PDZD2: variants seen among roughly 807,000 people sequenced by gnomAD.
The protein encoded by PDZD2 is PDZ domain-containing protein 2.
PDZD2 carries 90 observed loss-of-function variants against 220.7 expected under a neutral mutation model. The ratio of observed to expected loss-of-function variants is 0.41; its 90% confidence interval spans 0.34 to 0.49. The LOEUF (loss-of-function observed/expected upper bound fraction) is 0.49. PDZD2 is among the 20% of genes least tolerant of loss of function. The pLI is 0.28. For missense variants in PDZD2, 3,174 were observed against 3,608.5 expected, an observed-to-expected ratio of 0.88 and a Z score of 3.08; for synonymous variants, 1,375 against 1,450.5, an observed-to-expected ratio of 0.95 and a Z score of 1.18.
At chr5:32,042,658 G>A (rs1203074346) in intron 7 of PDZD2, among the ~76,000 whole-genome samples, 1 of 152,224 alleles carries the variant, frequency 6.6e-6, no homozygotes, top group Non-Finnish European at 1.5e-5. Context: ...TGTTACGCTT[G>A]AACGAGTTAC....
At chr5:32,031,289 T>C (rs1429087464) in intron 6 of PDZD2, among the ~76,000 whole-genome samples, 2 of 152,232 alleles carry the variant, frequency 1.3e-5, no homozygotes, top group African/African-American at 4.8e-5. Flanking sequence ...CTCTGGAGTC[T>C]GTTGTCTAAG....
At chr5:31,859,842 C>G (rs1379516462) in intron 2 of PDZD2, among the ~76,000 whole-genome samples, 1 of 152,192 alleles carries the variant, frequency 6.6e-6, no homozygotes, top group African/African-American at 2.4e-5. Context: ...CTGGCACACA[C>G]TAACCTTTCC....
chr5:31,880,638 G>T (rs1739779188), intron 2 of PDZD2, among the ~76,000 whole-genome samples: 1 of 152,016 alleles, frequency 6.6e-6, no homozygotes, highest in African/African-American at 2.4e-5. Flanking sequence ...AATAGTTATT[G>T]TTCCCTGGAG....
chr5:31,816,287 C>CAAAAAAAAAAAAAAA lies in PDZD2; in HGVS notation c.476+16564_476+16578dup, dbSNP rs34233316. On this transcript the variant is annotated intron_variant, in intron 2 of 24. Transcript: ENST00000438447. ...TGGGCGACAGAGCGAGACTCCATCT[C>CAAAAAAAAAAAAAAA]AAAAAAAAAAAAAAAGATGACTGGG... Among the ~76,000 whole-genome samples, 50 of 99,110 alleles carry CAAAAAAAAAAAAAAA rather than the reference C, an allele frequency of 5.0e-4. 1 individual carries two copies. The highest frequency in any genetic ancestry group is 1.9e-3 in the African/African-American group (45 of 23,886). The allele number at this position is 99,110 out of a possible 152,430, so 65.0% of individuals were successfully genotyped here. A position where few individuals can be genotyped will look rare whatever the true frequency, so the allele number is the denominator to read the frequency against.
At chr5:32,100,887 AC>A in intron 23 of PDZD2, 2 of 1,582,330 alleles carry the variant, frequency 1.3e-6, no homozygotes, top group Non-Finnish European at 1.7e-6. Flanking sequence ...GGATGCAAGT[AC>A]AGCAGCAACA....
chr5:31,808,618 G>T (rs557346985), intron 2 of PDZD2, among the ~76,000 whole-genome samples: 12 of 152,154 alleles, frequency 7.9e-5, no homozygotes, highest in Non-Finnish European at 1.3e-4. Context: ...TCTTAGAGAA[G>T]AGTGACGCCT....
At chr5:31,644,524 G>A (rs942664798) in intron 1 of PDZD2, among the ~76,000 whole-genome samples, 3 of 152,182 alleles carry the variant, frequency 2.0e-5, no homozygotes, top group Non-Finnish European at 2.9e-5. Flanking sequence ...CGGCTGAGCC[G>A]AGAGATGGTT....
chr5:31,659,115 C>G lies in PDZD2; in HGVS notation c.-361+19678C>G, dbSNP rs183999095. Reference sequence around the variant, plus strand: ...TCTATTCTCCTGGCTTCTCTGACACCACTTCTCAGACACTGCTTTTCTCCT... The same window carrying G: ...TCTATTCTCCTGGCTTCTCTGACACGACTTCTCAGACACTGCTTTTCTCCT... On this transcript the variant is annotated intron_variant, in intron 1 of 24. Transcript: ENST00000438447. Among the ~76,000 whole-genome samples, 408 of 152,252 alleles carry G rather than the reference C, an allele frequency of 2.7e-3. 5 individuals are homozygous for G. Among genetic ancestry groups the G allele is most frequent in the South Asian group, 0.025 (118 of 4,816 alleles).
intron 2 of PDZD2, among the ~76,000 whole-genome samples, chr5:31,951,936 AT>A (rs1485491230): frequency 6.6e-6 from 1 of 152,208 alleles, no homozygotes; most frequent in African/African-American, 2.4e-5. Context: ...ATTTTTGTCT[AT>A]TTTTTGTTTT....
intron 1 of PDZD2, chr5:31,726,050 A>G (rs915063507): frequency 3.0e-5 from 10 of 336,896 alleles, no homozygotes; most frequent in Admixed American, 4.8e-5. Flanking sequence ...AGGCAGGAGC[A>G]CAGCTCTGGA....
intron 1 of PDZD2, among the ~76,000 whole-genome samples, chr5:31,747,274 T>C (rs1239954039): frequency 6.6e-6 from 1 of 152,342 alleles, no homozygotes; most frequent in South Asian, 2.1e-4. Context: ...TGCTTGGCTT[T>C]CGTGAAGCAT....
At chr5:31,658,822 T>C (rs1316065564) in intron 1 of PDZD2, among the ~76,000 whole-genome samples, 1 of 152,032 alleles carries the variant, frequency 6.6e-6, no homozygotes, top group Non-Finnish European at 1.5e-5. Flanking sequence ...GGTTTCACCA[T>C]GTTGGCCAGG....
Position 31,646,282 on chromosome 5 carries a change from T to C in PDZD2, c.-361+6845T>C, listed in dbSNP as rs1292277781. Among the ~76,000 whole-genome samples the C allele has an allele frequency of 6.6e-6, 1 of 152,134 alleles. No homozygotes were observed. The highest frequency in any genetic ancestry group is 1.5e-5 in the Non-Finnish European group (1 of 68,024). ...CAAGTGTATTTTGGGGTAGCCATAA[T>C]ATCTTGGGTTGGTGGGTACAAGTTT... On this transcript the variant is annotated intron_variant, in intron 1 of 24. Coordinates refer to ENST00000438447, the MANE Select transcript of PDZD2 (RefSeq NM_178140.4). The surrounding 1 kb of genome is among the most constrained non-coding windows in gnomAD (Gnocchi z 4.7).
At chr5:31,758,880 G>A (rs1198045607) in intron 1 of PDZD2, among the ~76,000 whole-genome samples, 1 of 152,150 alleles carries the variant, frequency 6.6e-6, no homozygotes, top group Non-Finnish European at 1.5e-5. Flanking sequence ...AGCAAAAAAA[G>A]TGTTAGAGAA....
rs1189093607 is a variant in PDZD2 at position 31,639,942 on chromosome 5, T to C, written c.-361+505T>C. Among the ~76,000 whole-genome samples, 1 of 152,064 alleles carries C rather than the reference T, an allele frequency of 6.6e-6. No homozygotes were observed. The highest frequency in any genetic ancestry group is 6.5e-5 in the Admixed American group (1 of 15,274). On this transcript the variant is annotated intron_variant, in intron 1 of 24. Transcript: ENST00000438447. The surrounding 1 kb of genome is among the most constrained non-coding windows in gnomAD (Gnocchi z 4.1). ...AGACGTTAGACGCGGGGCGAGGGAA[T>C]GCAGGGGGCGCGCAAAGATCAAGGG...
chr5:31,893,629 A>AT (rs1242056827), intron 2 of PDZD2, among the ~76,000 whole-genome samples: 2 of 152,060 alleles, frequency 1.3e-5, no homozygotes, highest in Non-Finnish European at 2.9e-5. Context: ...GTATAAAGAG[A>AT]TTTTCCGGTG....
intron 2 of PDZD2, chr5:31,936,320 C>CAGCCTT (rs1745722318): frequency 2.0e-6 from 2 of 987,390 alleles, no homozygotes; most frequent in African/African-American, 1.7e-5. Flanking sequence ...CAGCAGAGCA[C>CAGCCTT]GCTCACCTGA....
rs1423920300 is a variant in PDZD2 at position 32,098,560 on chromosome 5, C to T, written c.8144C>T (p.Ala2715Val). 1 of 1,614,102 alleles carries T rather than the reference C, an allele frequency of 6.2e-7. No homozygotes were observed. Among genetic ancestry groups the T allele is most frequent in the East Asian group, 2.2e-5 (1 of 44,880 alleles). Reference sequence around the variant, plus strand: ...GGGATGGATCAGCCCAGGCCCTCTGCCCGGCAGGAGCCTCCCACAGCCAAT... The same window carrying T: ...GGGATGGATCAGCCCAGGCCCTCTGTCCGGCAGGAGCCTCCCACAGCCAAT... ...KKGMDQPRPS[A>V]RQEPPTANGK... The change falls in exon 23 of 25, where the codon GCC becomes GTC. Residue 2715 changes from alanine (A) to valine (V), a missense_variant. This residue lies in a region of PDZD2 where 631 missense variants were observed against 789.9 expected (regional missense o/e 0.80). Transcript: ENST00000438447. This position sits in a 1 kb window ranked among gnomAD's most constrained non-coding sequence, Gnocchi z 4.1.
At chr5:31,861,508 A>C (rs1016973833) in intron 2 of PDZD2, among the ~76,000 whole-genome samples, 1 of 152,198 alleles carries the variant, frequency 6.6e-6, no homozygotes, top group Non-Finnish European at 1.5e-5. Context: ...TCTTTCTTCC[A>C]ACTTCAAAGG....
Sources: allele counts gnomAD v4.1 joint callset (sites outside exome capture counted in the v4.1 genomes callset), GRCh38; gene constraint gnomAD v4.1.1; regional missense constraint gnomAD v4.1.1; non-coding constraint Gnocchi (gnomAD v3.1); transcripts MANE v1.5; gene names NCBI Gene and HGNC (gene_info 2026-07-23, HGNC 2026-07-21).